Variants in GLRA2 observed in about 807,000 individuals in gnomAD.
GLRA2 encodes glycine receptor alpha 2, also known as glycine receptor subunit alpha-2.
A neutral mutation model predicts 31.6 loss-of-function variants in GLRA2; 11 were observed. The ratio of observed to expected loss-of-function variants is 0.35; its 90% CI spans 0.22 to 0.58. GLRA2 has a LOEUF of 0.58. Ranked by LOEUF, GLRA2 falls within the 20% of genes least tolerant of loss-of-function variation. The probability of loss-of-function intolerance (pLI) is 0.84; values close to 1 mark genes in which losing one functional copy is unlikely to be tolerated. For missense variants in GLRA2, 212 were observed against 351.8 expected, an observed-to-expected ratio of 0.60 and a Z score of 3.18; for synonymous variants, 132 against 134.0, an observed-to-expected ratio of 0.99 and a Z score of 0.10.
intron 8 of GLRA2, among the ~76,000 whole-genome samples, chrX:14,705,661 A>G (rs1486496868): frequency 8.9e-6 from 1 of 112,138 alleles, no homozygotes; most frequent in African/African-American, 3.2e-5. Context: ...AATAGTCAGA[A>G]AAACCTTTCA....
At chrX:14,517,146 A>G in the GLRA2 span, among the ~76,000 whole-genome samples, 1 of 112,226 alleles carries the variant, frequency 8.9e-6, no homozygotes, top group Non-Finnish European at 1.9e-5. Flanking sequence ...CTATGTTGAT[A>G]TTATAAGGCA....
chrX:14,726,171 C>A (rs1453222253), intron 8 of GLRA2, among the ~76,000 whole-genome samples: 2 of 112,235 alleles, frequency 1.8e-5, no homozygotes, highest in Non-Finnish European at 3.8e-5. Flanking sequence ...TTCAGTTTAT[C>A]CATGACTCAA....
intron 7 of GLRA2, among the ~76,000 whole-genome samples, chrX:14,656,546 G>A (rs1418370497): frequency 1.8e-5 from 2 of 112,030 alleles, no homozygotes; most frequent in African/African-American, 6.5e-5. Context: ...GGCCCTGTAA[G>A]CCATGACCTC....
intron 7 of GLRA2, among the ~76,000 whole-genome samples, chrX:14,680,746 C>T (rs776747995): frequency 8.9e-6 from 1 of 112,179 alleles, no homozygotes; most frequent in East Asian, 2.8e-4. Context: ...TTGGAGGAAA[C>T]TCAGAGAGCA....
intron 2 of GLRA2, among the ~76,000 whole-genome samples, chrX:14,550,649 C>T (rs1027129277): frequency 4.5e-5 from 5 of 110,786 alleles, no homozygotes; most frequent in South Asian, 3.9e-4. Flanking sequence ...CCATCTTTGC[C>T]GCCAGGACAG....
chrX:14,518,856 A>C, the GLRA2 span, among the ~76,000 whole-genome samples: 2 of 106,263 alleles, frequency 1.9e-5, no homozygotes, highest in African/African-American at 6.9e-5. Flanking sequence ...TGAAAAAAAA[A>C]AAAAAATTAG....
At chrX:14,634,679 C>T (rs2090689419) in intron 7 of GLRA2, among the ~76,000 whole-genome samples, 1 of 111,831 alleles carries the variant, frequency 8.9e-6, no homozygotes, top group African/African-American at 3.2e-5. Flanking sequence ...ACATCCACTT[C>T]AAGCCCAAAC....
chrX:14,671,940 G>A (rs1318744525), intron 7 of GLRA2, among the ~76,000 whole-genome samples: 2 of 112,170 alleles, frequency 1.8e-5, no homozygotes, highest in Non-Finnish European at 3.8e-5. Flanking sequence ...CTGTTACTGG[G>A]ACTCACAGCT....
At chrX:14,536,218 TCATA>T (rs1267590793) in intron 2 of GLRA2, among the ~76,000 whole-genome samples, 1 of 112,203 alleles carries the variant, frequency 8.9e-6, no homozygotes, top group African/African-American at 3.2e-5. Flanking sequence ...GTTTCAAGTA[TCATA>T]GATCCACTTC....
At chrX:14,690,219 G>A (rs2091329773) in intron 7 of GLRA2, among the ~76,000 whole-genome samples, 1 of 111,756 alleles carries the variant, frequency 8.9e-6, no homozygotes, top group African/African-American at 3.2e-5. Flanking sequence ...GAAGTGAGCA[G>A]TTTGAATAAT....
chrX:14,594,959 A>G (rs1456845352), intron 4 of GLRA2, among the ~76,000 whole-genome samples: 1 of 97,550 alleles, frequency 1.0e-5, no homozygotes, highest in Non-Finnish European at 2.1e-5. Context: ...AAAAAAAAAA[A>G]ACAGCAAAAG....
At chrX:14,716,602 A>G (rs959325301) in intron 8 of GLRA2, among the ~76,000 whole-genome samples, 8 of 111,311 alleles carry the variant, frequency 7.2e-5, no homozygotes, top group Non-Finnish European at 1.5e-4. Context: ...GGATCACTAC[A>G]AACACAATTA....
intron 7 of GLRA2, among the ~76,000 whole-genome samples, chrX:14,645,742 A>T (rs2090823457): frequency 8.9e-6 from 1 of 112,124 alleles, no homozygotes; most frequent in Non-Finnish European, 1.9e-5. Context: ...GTTTTCCCAC[A>T]GAGTGAGATA....
At chrX:14,689,913 C>G (rs2091326130) in intron 7 of GLRA2, among the ~76,000 whole-genome samples, 1 of 112,170 alleles carries the variant, frequency 8.9e-6, no homozygotes, top group African/African-American at 3.2e-5. Context: ...TCTACTTTGT[C>G]AAATTATAAG....
the GLRA2 span, among the ~76,000 whole-genome samples, chrX:14,514,759 C>T: frequency 9.0e-6 from 1 of 110,905 alleles, no homozygotes; most frequent in Non-Finnish European, 1.9e-5. Flanking sequence ...CTTTTTACTC[C>T]CTTTATTTTT....
chrX:14,487,052 G>A, the GLRA2 span, among the ~76,000 whole-genome samples: 9 of 109,902 alleles, frequency 8.2e-5, no homozygotes, highest in South Asian at 2.7e-3. Flanking sequence ...GAGTTGGGGG[G>A]TACATGGATT....
At chrX:14,578,612 T>C (rs1318431536) in intron 3 of GLRA2, among the ~76,000 whole-genome samples, 1 of 111,959 alleles carries the variant, frequency 8.9e-6, no homozygotes, top group African/African-American at 3.3e-5. Flanking sequence ...TATATTCTGT[T>C]TTTGAAATGT....
intron 8 of GLRA2, among the ~76,000 whole-genome samples, chrX:14,715,468 AAT>A (rs2091772757): frequency 8.9e-6 from 1 of 111,964 alleles, no homozygotes; most frequent in African/African-American, 3.2e-5. Flanking sequence ...GGGATATCAA[AAT>A]ATGTCAGAAC....
chrX:14,475,991 G>C, the GLRA2 span, among the ~76,000 whole-genome samples: 1 of 111,191 alleles, frequency 9.0e-6, no homozygotes, highest in Non-Finnish European at 1.9e-5. Context: ...CCAGTCCCCT[G>C]TACCAGTGGC....
Sources: gnomAD v4.1 joint callset for allele counts (sites outside exome capture counted in the v4.1 genomes callset) on GRCh38, gnomAD v4.1.1 for gene constraint, MANE v1.5 for transcripts, NCBI Gene and HGNC (gene_info 2026-07-23, HGNC 2026-07-21) for gene names.